OR7E24: variants seen among roughly 807,000 people sequenced by gnomAD.
OR7E24 encodes the protein olfactory receptor family 7 subfamily E member 24, also known as olfactory receptor 7E24.
For synonymous variants in OR7E24, 130 were observed against 157.5 expected (o/e 0.83, Z 1.31); for missense variants, 385 against 410.3 (o/e 0.94, Z 0.53).
the OR7E24 span, among the ~76,000 whole-genome samples, chr19:9,233,457 T>G: frequency 6.6e-6 from 1 of 152,246 alleles, no homozygotes; most frequent in Non-Finnish European, 1.5e-5. Flanking sequence ...GAGAACAGAC[T>G]CACACGTGAC....
chr19:9,207,452 A>G, the OR7E24 span: 24 of 152,336 alleles, frequency 1.6e-4, no homozygotes, highest in Admixed American at 1.4e-3. Flanking sequence ...ACTCATACCT[A>G]TGAGCTAAAA....
chr19:9,208,689 C>G, the OR7E24 span: 2 of 111,394 alleles, frequency 1.8e-5, no homozygotes, highest in Non-Finnish European at 3.3e-5. Flanking sequence ...ATTAATGCTG[C>G]CTTTTTTTTT....
chr19:9,236,205 C>T, the OR7E24 span: 13 of 630,726 alleles, frequency 2.1e-5, no homozygotes, highest in African/African-American at 7.4e-5. Flanking sequence ...AAAGCACCTA[C>T]GACTTTGCTT....
chr19:9,227,353 C>T, the OR7E24 span, among the ~76,000 whole-genome samples: 15 of 151,936 alleles, frequency 9.9e-5, no homozygotes, highest in African/African-American at 1.5e-4. Flanking sequence ...CCTCAGCCTC[C>T]GGAGGAACTG....
the OR7E24 span, among the ~76,000 whole-genome samples, chr19:9,228,619 C>T: frequency 6.6e-6 from 1 of 152,196 alleles, no homozygotes; most frequent in Admixed American, 6.6e-5. Flanking sequence ...ACAAAGGCTT[C>T]CATGTCACCA....
chr19:9,237,785 ATTTG>A, the OR7E24 span, among the ~76,000 whole-genome samples: 585 of 152,194 alleles, frequency 3.8e-3, 1 homozygote, highest in African/African-American at 0.013. Context: ...ATGCATGTAA[ATTTG>A]TTTGTTTGGT....
chr19:9,220,352 T>C, the OR7E24 span, among the ~76,000 whole-genome samples: 2 of 152,196 alleles, frequency 1.3e-5, no homozygotes, highest in African/African-American at 4.8e-5. Flanking sequence ...ACACTACTCC[T>C]CAACCCCAAA....
the OR7E24 span, among the ~76,000 whole-genome samples, chr19:9,239,986 A>G: frequency 6.6e-6 from 1 of 151,978 alleles, no homozygotes; most frequent in Non-Finnish European, 1.5e-5. Context: ...GATTACAGGC[A>G]TGAGCCACTG....
At chr19:9,237,694 CAA>C in the OR7E24 span, among the ~76,000 whole-genome samples, 27 of 152,244 alleles carry the variant, frequency 1.8e-4, no homozygotes, top group Admixed American at 6.5e-4. Flanking sequence ...GTGCAGACTG[CAA>C]AGTGTTTATT....
At chr19:9,238,626 A>G in the OR7E24 span, among the ~76,000 whole-genome samples, 1 of 152,248 alleles carries the variant, frequency 6.6e-6, no homozygotes, top group East Asian at 1.9e-4. Context: ...GATCTCTTAA[A>G]ATCACTTCCC....
At chr19:9,237,578 G>T in the OR7E24 span, among the ~76,000 whole-genome samples, 1 of 152,144 alleles carries the variant, frequency 6.6e-6, no homozygotes, top group Non-Finnish European at 1.5e-5. Flanking sequence ...GCCTCCCAAA[G>T]TGCTGGGATT....
upstream of OR7E24, among the ~76,000 whole-genome samples, chr19:9,243,819 A>C (rs1470407928): frequency 6.6e-6 from 1 of 152,214 alleles, no homozygotes; most frequent in African/African-American, 2.4e-5. Flanking sequence ...CAGTTAGAAG[A>C]TACAGCTTCC....
chr19:9,230,470 C>T, the OR7E24 span, among the ~76,000 whole-genome samples: 1 of 152,118 alleles, frequency 6.6e-6, no homozygotes, highest in Non-Finnish European at 1.5e-5. Context: ...TAGGAATGTC[C>T]ATACTTGAAT....
At chr19:9,214,241 C>G in the OR7E24 span, 14 of 1,614,044 alleles carry the variant, frequency 8.7e-6, no homozygotes, top group Non-Finnish European at 1.1e-5. Flanking sequence ...TGGCCACATA[C>G]AAGACAATGT....
the OR7E24 span, among the ~76,000 whole-genome samples, chr19:9,217,792 G>T: frequency 6.6e-6 from 1 of 152,104 alleles, no homozygotes; most frequent in Non-Finnish European, 1.5e-5. Context: ...GCCCACCTCG[G>T]CCTCCCAAAA....
At chr19:9,214,905 C>T in the OR7E24 span, 2 of 856,524 alleles carry the variant, frequency 2.3e-6, no homozygotes, top group Non-Finnish European at 3.7e-6. Context: ...GGCAGCTCAG[C>T]TTGTCATCAC....
the OR7E24 span, among the ~76,000 whole-genome samples, chr19:9,240,629 C>T: frequency 3.9e-5 from 6 of 152,122 alleles, no homozygotes; most frequent in South Asian, 1.0e-3. Flanking sequence ...CTTAACAGAA[C>T]ATTTTGATAG....
chr19:9,246,408 G>T (rs535739392), upstream of OR7E24, among the ~76,000 whole-genome samples: 1 of 148,724 alleles, frequency 6.7e-6, no homozygotes, highest in Non-Finnish European at 1.5e-5. Context: ...TATATCATTT[G>T]CTTATTATAT....
chr19:9,251,110 A>G lies in OR7E24; in HGVS notation c.67A>G (p.Asn23Asp), dbSNP rs751169251. The G allele has an allele frequency of 6.8e-6, 11 of 1,613,578 alleles. No homozygotes were observed. The highest frequency in any genetic ancestry group is 9.3e-6 in the Non-Finnish European group (11 of 1,179,686). Reference sequence around the variant, plus strand: ...GTGTCCGAGCTACACAGAGCCACAGAATCTCACAGGTGTCTCAGAATTCCT... The same window carrying G: ...GTGTCCGAGCTACACAGAGCCACAGGATCTCACAGGTGTCTCAGAATTCCT... ...KRCPSYTEPQ[N>D]LTGVSEFLLL... Residue 23 changes from asparagine to aspartate, a missense_variant, in exon 1 of 1, where the codon AAT becomes GAT. Transcript: ENST00000456448.
Sources: allele counts gnomAD v4.1 joint callset (sites outside exome capture counted in the v4.1 genomes callset), GRCh38; gene constraint gnomAD v4.1.1; transcripts MANE v1.5; gene names NCBI Gene and HGNC (gene_info 2026-07-23, HGNC 2026-07-21).